The following TAF2 variants were observed in gnomAD, a reference collection of about 807,000 sequenced individuals.
The protein encoded by TAF2 is transcription initiation factor TFIID subunit 2.
A neutral mutation model predicts 138.5 loss-of-function variants in TAF2; 61 were observed. The observed-to-expected ratio is 0.44, with a 90% CI of 0.36 to 0.54. TAF2 has a LOEUF of 0.54. TAF2 is among the 20% of genes least tolerant of loss of function. TAF2 has a pLI of 0.00. For synonymous variants in TAF2, 475 were observed against 469.9 expected, an observed-to-expected ratio of 1.01 and a Z score of -0.14; for missense variants, 1,090 against 1,427.9, an observed-to-expected ratio of 0.76 and a Z score of 3.81.
chr8:119,799,331 G>A (rs1035157115), intron 6 of TAF2, among the ~76,000 whole-genome samples: 5 of 139,702 alleles, frequency 3.6e-5, no homozygotes, highest in East Asian at 2.4e-4. Context: ...GACAGGCCCC[G>A]GTGTGTGATG....
At chr8:119,830,120 G>C (rs994060705) in intron 2 of TAF2, among the ~76,000 whole-genome samples, 1 of 151,648 alleles carries the variant, frequency 6.6e-6, no homozygotes, top group Non-Finnish European at 1.5e-5. Context: ...GGATGGTTTC[G>C]ATCTCCTGAC....
intron 1 of TAF2, among the ~76,000 whole-genome samples, chr8:119,832,126 T>G (rs1826491108): frequency 6.6e-6 from 1 of 151,358 alleles, no homozygotes; most frequent in South Asian, 2.1e-4. Context: ...GCCGTTGCAC[T>G]CCAGCCTGGG....
chr8:119,781,615 G>T (rs188126968), intron 16 of TAF2, among the ~76,000 whole-genome samples: 1 of 152,126 alleles, frequency 6.6e-6, no homozygotes, highest in Non-Finnish European at 1.5e-5. Context: ...GGACGGGGAG[G>T]GGGAGGTTGC....
intron 21 of TAF2, among the ~76,000 whole-genome samples, chr8:119,757,388 C>A (rs918156562): frequency 2.6e-5 from 4 of 152,092 alleles, no homozygotes; most frequent in Non-Finnish European, 5.9e-5. Flanking sequence ...CAATTCCTCT[C>A]CTTCAGGCCT....
At position 119,781,086 on chromosome 8, in the gene TAF2, GTTGT is replaced by G; in HGVS notation, c.2216_2219del (p.Asn739ThrfsTer3). On this transcript the variant is annotated frameshift_variant, in exon 17 of 26. Coordinates refer to ENST00000378164, the MANE Select transcript of TAF2 (RefSeq NM_003184.4). LOFTEE classifies it high-confidence loss of function. The stretch of plus-strand genomic sequence containing the variant: ...GAAAATAGCTTTGAAAGCTCATAAA[GTTGT>G]TTGTTTTCACAATGTTTGGACAACT... 5.0e-6 allele frequency: 8 copies of G among 1,613,682 alleles called. No individual in the cohort carries two copies. Among genetic ancestry groups the G allele is most frequent in the Non-Finnish European group, 6.8e-6 (8 of 1,179,960 alleles).
At position 119,819,475 on chromosome 8, in the gene TAF2, A is replaced by C. The variant is rs1450637122; in HGVS notation, c.170T>G (p.Val57Gly). The C allele has an allele frequency of 1.9e-6, 3 of 1,609,832 alleles. No individual in the cohort carries two copies. In the East Asian group the frequency reaches 6.7e-5, roughly 36 times the overall value. ...CAACTTGATTCTATTCAAGTTTGCA[A>C]CTGTGGGAAATATAGTCAGTTCCAC... is the stretch of plus-strand genomic sequence containing the variant. ...GFVELTIFPT[V>G]ANLNRIKLNS... The change falls in exon 3 of 26, where the codon GTT becomes GGT. Residue 57 changes from valine to glycine, a missense_variant. Val to Gly is a moderately radical substitution (Grantham distance 109, BLOSUM62 -3). Around this residue, in one of 3 missense-constraint regions of TAF2, gnomAD observed 504 missense variants for 680.9 expected, o/e 0.74. Transcript: ENST00000378164.
chr8:119,790,956 C>G (rs1356310772), intron 11 of TAF2, among the ~76,000 whole-genome samples: 1 of 150,044 alleles, frequency 6.7e-6, no homozygotes, highest in Non-Finnish European at 1.5e-5. Context: ...GCCACTATGC[C>G]TGACTTAGTA....
At position 119,832,580 on chromosome 8, in the gene TAF2, A is replaced by G. The variant is rs1826536067; in HGVS notation, c.-16T>C. The G allele has an allele frequency of 1.2e-6, 2 of 1,611,516 alleles. No individual in the cohort carries two copies. The highest frequency in any genetic ancestry group is 3.3e-5 in the Admixed American group (2 of 59,938). On this transcript the variant is annotated 5_prime_UTR_variant, in exon 1 of 26. Coordinates refer to ENST00000378164, the MANE Select transcript of TAF2 (RefSeq NM_003184.4). ...TCAGCGGCATGAAGCGGTCCCGCGG[A>G]GCTTGGCTTCCCGGCTTCCTAGGGG...
At chr8:119,762,663 T>G in intron 18 of TAF2, 55 bp from the exon 19 acceptor site, 1 of 1,465,066 alleles carries the variant, frequency 6.8e-7, no homozygotes, top group Non-Finnish European at 9.3e-7. Context: ...CTGATCAAAA[T>G]TAACAAAATA....
intron 20 of TAF2, among the ~76,000 whole-genome samples, chr8:119,760,210 C>A (rs1586346328): frequency 6.6e-6 from 1 of 152,108 alleles, no homozygotes; most frequent in East Asian, 1.9e-4. Flanking sequence ...TGATGCCTTG[C>A]CTAATTCCCC....
chr8:119,826,587 A>G (rs1480154391), intron 2 of TAF2, among the ~76,000 whole-genome samples: 1 of 147,328 alleles, frequency 6.8e-6, no homozygotes, highest in Non-Finnish European at 1.5e-5. Context: ...TAACCATTCC[A>G]TTTCCTCCTT....
chr8:119,794,257 C>G (rs1302310397), intron 9 of TAF2, among the ~76,000 whole-genome samples: 1 of 151,822 alleles, frequency 6.6e-6, no homozygotes, highest in African/African-American at 2.4e-5. Flanking sequence ...ATTAGCCGGG[C>G]GTGATGGCGG....
intron 3 of TAF2, among the ~76,000 whole-genome samples, chr8:119,811,561 C>T (rs2131234173): frequency 6.6e-6 from 1 of 152,090 alleles, no homozygotes; most frequent in Non-Finnish European, 1.5e-5. Flanking sequence ...AATCCCAGCA[C>T]TTTGGGAGGC....
chr8:119,743,775 A>C (rs10099163), intron 24 of TAF2, among the ~76,000 whole-genome samples: 4,912 of 152,296 alleles, frequency 0.032, 144 homozygotes, highest in South Asian at 0.11. Flanking sequence ...AATGAAAAAC[A>C]ACCTAATGCC....
intron 8 of TAF2, among the ~76,000 whole-genome samples, chr8:119,796,169 C>CTCCA (rs540789999): frequency 5.0e-4 from 76 of 151,870 alleles, no homozygotes; most frequent in Non-Finnish European, 9.7e-4. Context: ...CATCTACCCA[C>CTCCA]TCCATCCATC....
chr8:119,778,870 G>A (rs1036714456), intron 17 of TAF2, among the ~76,000 whole-genome samples: 5 of 152,178 alleles, frequency 3.3e-5, no homozygotes, highest in African/African-American at 9.7e-5. Context: ...GACTACAGAT[G>A]CATAGACATC....
At chr8:119,744,498 C>A in intron 23 of TAF2, 105 bp from the exon 24 acceptor site, 1 of 874,604 alleles carries the variant, frequency 1.1e-6, no homozygotes, top group Non-Finnish European at 1.9e-6. Flanking sequence ...AGGATATACC[C>A]CCATATAATC....
intron 4 of TAF2, among the ~76,000 whole-genome samples, chr8:119,805,739 TA>T (rs1824585706): frequency 1.3e-5 from 2 of 152,092 alleles, no homozygotes; most frequent in South Asian, 4.2e-4. Context: ...TTTTTAGCTT[TA>T]AAAAACAACG....
intron 22 of TAF2, 31 bp downstream of exon 22, chr8:119,755,975 A>G: frequency 1.3e-6 from 2 of 1,496,546 alleles, no homozygotes; most frequent in Non-Finnish European, 1.9e-6. Context: ...TCTAGTAATA[A>G]TAAAAACAAT....
Sources: allele counts gnomAD v4.1 joint callset (sites outside exome capture counted in the v4.1 genomes callset), GRCh38; gene constraint gnomAD v4.1.1; regional missense constraint gnomAD v4.1.1; transcripts MANE v1.5; gene names NCBI Gene and HGNC (gene_info 2026-07-23, HGNC 2026-07-21).